Variants in ANO10 observed in about 807,000 individuals in gnomAD.
ANO10 encodes the protein anoctamin 10, also known as anoctamin-10.
A neutral mutation model predicts 74.7 loss-of-function variants in ANO10; 77 were observed. The observed-to-expected ratio is 1.03, with a 90% CI of 0.86 to 1.25. The LOEUF (loss-of-function observed/expected upper bound fraction) is 1.25. Ranked by LOEUF, ANO10 falls within the 50% of genes most tolerant of loss-of-function variation. ANO10 has a pLI of 0.00. For synonymous variants in ANO10, 279 were observed against 284.9 expected (o/e 0.98, Z 0.21); for missense variants, 721 against 778.1 (o/e 0.93, Z 0.87).
At chr3:43,480,025 C>T (rs554160009) in intron 11 of ANO10, among the ~76,000 whole-genome samples, 2 of 152,308 alleles carry the variant, frequency 1.3e-5, no homozygotes, top group South Asian at 2.1e-4. Context: ...AGGGATAATA[C>T]TGCATTCATG....
At chr3:43,580,036 T>G (rs2081192859) in intron 5 of ANO10, among the ~76,000 whole-genome samples, 1 of 150,180 alleles carries the variant, frequency 6.7e-6, no homozygotes, top group Non-Finnish European at 1.5e-5. Context: ...TCTCAGCTAC[T>G]CAGAAGGCTG....
chr3:43,405,318 A>G (rs2092557146), intron 12 of ANO10, among the ~76,000 whole-genome samples: 2 of 152,210 alleles, frequency 1.3e-5, no homozygotes, highest in African/African-American at 4.8e-5. Context: ...GGAAGGACCC[A>G]TGGATTCCTA....
At chr3:43,374,091 G>T (rs369715654) in intron 12 of ANO10, among the ~76,000 whole-genome samples, 1 of 152,162 alleles carries the variant, frequency 6.6e-6, no homozygotes, top group Non-Finnish European at 1.5e-5. Flanking sequence ...CATCTAGATG[G>T]TTCCTCCAGG....
intron 11 of ANO10, among the ~76,000 whole-genome samples, chr3:43,461,681 G>A (rs534336120): frequency 6.6e-6 from 1 of 152,180 alleles, no homozygotes; most frequent in Non-Finnish European, 1.5e-5. Flanking sequence ...CTTGCCTTCT[G>A]CCATGATCAT....
At chr3:43,401,978 C>T (rs1375629794) in intron 12 of ANO10, among the ~76,000 whole-genome samples, 1 of 146,052 alleles carries the variant, frequency 6.8e-6, no homozygotes, top group Non-Finnish European at 1.6e-5. Context: ...GGGTCCCATG[C>T]CCAGGTTATA....
intron 10 of ANO10, among the ~76,000 whole-genome samples, chr3:43,550,241 T>C (rs1343933108): frequency 6.6e-6 from 1 of 152,198 alleles, no homozygotes; most frequent in Non-Finnish European, 1.5e-5. Context: ...TGTGAAACCA[T>C]CCTTCTACTT....
intron 11 of ANO10, among the ~76,000 whole-genome samples, chr3:43,531,790 G>T (rs912197358): frequency 6.6e-6 from 1 of 151,958 alleles, no homozygotes; most frequent in Non-Finnish European, 1.5e-5. Flanking sequence ...AGCTACTCAG[G>T]AGGCTGAGGC....
chr3:43,690,588 G>C (rs920919086), intron 1 of ANO10: 1 of 198,448 alleles, frequency 5.0e-6, no homozygotes, highest in Non-Finnish European at 1.0e-5. Context: ...TCGGACACTA[G>C]CTAGGCTCTT....
chr3:43,547,006 C>A (rs1338132586), intron 11 of ANO10, among the ~76,000 whole-genome samples: 1 of 151,914 alleles, frequency 6.6e-6, no homozygotes, highest in East Asian at 1.9e-4. Flanking sequence ...ATTAAACTTT[C>A]AAAAATTAAA....
At chr3:43,452,488 T>C (rs1253870669) in intron 11 of ANO10, among the ~76,000 whole-genome samples, 3 of 152,232 alleles carry the variant, frequency 2.0e-5, no homozygotes, top group Non-Finnish European at 1.5e-5. Context: ...GTTTCATCCA[T>C]GTTGTGGCAT....
At chr3:43,554,692 C>T (rs1033545717) in intron 10 of ANO10, among the ~76,000 whole-genome samples, 1 of 152,060 alleles carries the variant, frequency 6.6e-6, no homozygotes, top group African/African-American at 2.4e-5. Flanking sequence ...GGGGATTCCT[C>T]ATTATTGCTG....
At chr3:43,596,593 A>C (rs1202083452) in intron 4 of ANO10, among the ~76,000 whole-genome samples, 1 of 152,162 alleles carries the variant, frequency 6.6e-6, no homozygotes, top group Non-Finnish European at 1.5e-5. Flanking sequence ...CCTTCCTTAC[A>C]CCTTATACAA....
intron 12 of ANO10, among the ~76,000 whole-genome samples, chr3:43,409,807 G>C (rs199647516): frequency 2.0e-5 from 3 of 152,226 alleles, no homozygotes; most frequent in East Asian, 3.8e-4. Context: ...GGTTAATGTT[G>C]TGTTAACAAA....
chr3:43,675,992 T>C (rs2084116029), intron 1 of ANO10, among the ~76,000 whole-genome samples: 1 of 152,248 alleles, frequency 6.6e-6, no homozygotes, highest in Non-Finnish European at 1.5e-5. Context: ...GCTTTATTTG[T>C]AATAGCTGAA....
intron 11 of ANO10, chr3:43,485,356 G>A (rs2076435944): frequency 4.1e-6 from 2 of 482,194 alleles, no homozygotes; most frequent in African/African-American, 3.9e-5. Context: ...CATCCAGGGA[G>A]GCGCCCATTG....
intron 4 of ANO10, among the ~76,000 whole-genome samples, chr3:43,589,443 T>C (rs1009831531): frequency 1.3e-5 from 2 of 151,986 alleles, no homozygotes; most frequent in Non-Finnish European, 2.9e-5. Flanking sequence ...TCCCAGCACT[T>C]TGGGAGGCTG....
intron 11 of ANO10, among the ~76,000 whole-genome samples, chr3:43,480,979 A>ATAATTGTATAATAATACAATTAC (rs60004870): frequency 0.9 from 135,757 of 150,394 alleles, 61,592 homozygotes; most frequent in Non-Finnish European, 0.96. Context: ...TTATTGTATA[A>ATAATTGTATAATAATACAATTAC]TAATTGTATA....
At chr3:43,599,660 C>T (rs923634835) in intron 3 of ANO10, among the ~76,000 whole-genome samples, 1 of 152,132 alleles carries the variant, frequency 6.6e-6, no homozygotes, top group Non-Finnish European at 1.5e-5. Flanking sequence ...AATCTCAGCA[C>T]TTTGGGAGGC....
rs767258047 is a variant in ANO10, at chr3:43,372,724, C to T, written c.1915-5750G>A. The stretch of plus-strand genomic sequence containing the variant: ...TTTTTTCTGTCTTAAATGTTCTATC[C>T]TACCTGGTATGTGGTCTCCAGAGAG... On this transcript the variant is annotated intron_variant, in intron 12 of 12. Transcript: ENST00000292246. 3.5e-5 allele frequency: 30 copies of T among 855,760 alleles called. 1 individual carries two copies. The South Asian group carries it at 4.4e-4, about 12-fold the overall frequency. The allele number at this position is 855,760 out of a possible 1,614,324, so 53.0% of individuals were successfully genotyped here. A position where few individuals can be genotyped will look rare whatever the true frequency, so the allele number is the denominator to read the frequency against.
Sources: allele counts gnomAD v4.1 joint callset (sites outside exome capture counted in the v4.1 genomes callset), GRCh38; gene constraint gnomAD v4.1.1; transcripts MANE v1.5; gene names NCBI Gene and HGNC (gene_info 2026-07-23, HGNC 2026-07-21).